FFAR1: variants seen among roughly 807,000 people sequenced by gnomAD.
FFAR1 encodes the protein free fatty acid receptor 1, also known as G-protein coupled receptor 40.
For missense variants in FFAR1, 424 were observed against 396.2 expected (o/e 1.07, Z -0.60); for synonymous variants, 216 against 201.5 (o/e 1.07, Z -0.61).
At chr19:35,351,769 C>A in exon 1 of FFAR1, 1 of 1,574,156 alleles carries the variant, frequency 6.4e-7, no homozygotes, top group Non-Finnish European at 8.6e-7. Flanking sequence ...GGGGCCTGGC[C>A]TCTGCCGGCC....
exon 1 of FFAR1, chr19:35,351,965 G>T: frequency 6.2e-7 from 1 of 1,614,172 alleles, no homozygotes; most frequent in South Asian, 1.1e-5. Flanking sequence ...TGTGTCACCT[G>T]GGTCTGGTCT....
chr19:35,351,643 CG>C lies in FFAR1; in HGVS notation c.94del (p.Ala32ProfsTer15). Reference sequence around the variant, plus strand: ...AACGTCCTGGCCATCCGAGGCGCGACGGCCCACGCCCGGCTCCGTCTCACCC... The same window carrying C: ...AACGTCCTGGCCATCCGAGGCGCGACGCCCACGCCCGGCTCCGTCTCACCC... On this transcript the variant is annotated frameshift_variant, in exon 1 of 1. Coordinates refer to ENST00000246553, the Ensembl canonical transcript of FFAR1. LOFTEE classifies it low-confidence loss of function (END_TRUNC). The C allele has an allele frequency of 6.5e-7, 1 of 1,547,244 alleles. No individual in the cohort carries two copies. The highest frequency in any genetic ancestry group is 8.7e-7 in the Non-Finnish European group (1 of 1,149,458).
chr19:35,350,116 C>T (rs527323829), upstream of FFAR1, among the ~76,000 whole-genome samples: 5 of 152,126 alleles, frequency 3.3e-5, no homozygotes, highest in African/African-American at 1.2e-4. Context: ...TCTGTGCCAC[C>T]CCTTGACAGG....
chr19:35,349,572 G>A (rs16970264), upstream of FFAR1, among the ~76,000 whole-genome samples: 13,056 of 152,274 alleles, frequency 0.086, 672 homozygotes, highest in South Asian at 0.22. Context: ...TAGTGGCTCC[G>A]AGGTATGAAA....
At chr19:35,353,596 G>C (rs1044756465) in exon 1 of FFAR1, 2 of 152,238 alleles carry the variant, frequency 1.3e-5, no homozygotes, top group Non-Finnish European at 2.9e-5. Flanking sequence ...TTATTAGAAA[G>C]AGAAAATACC....
chr19:35,353,505 C>T (rs1002373980), exon 1 of FFAR1: 2 of 152,050 alleles, frequency 1.3e-5, no homozygotes, highest in African/African-American at 4.8e-5. Flanking sequence ...AGAAAAAAGA[C>T]ATATTTTGTA....
rs1396413837 is a variant in FFAR1 at position 35,352,154 on chromosome 19, C to T, written c.603C>T (p.Cys201=). 2.5e-6 allele frequency: 4 copies of T among 1,609,730 alleles called. No homozygotes were observed. The South Asian group carries it at 3.3e-5, about 13-fold the overall frequency. Residue 201 remains cysteine (C), a synonymous_variant, in exon 1 of 1, where the codon TGC becomes TGT. Transcript: ENST00000246553. ...TGCCCTTGGCCATCACAGCCTTCTG[C>T]TACGTGGGCTGCCTCCGGGCACTGG... is the stretch of plus-strand genomic sequence containing the variant.
chr19:35,349,500 G>A (rs1020290123), upstream of FFAR1, among the ~76,000 whole-genome samples: 1 of 152,242 alleles, frequency 6.6e-6, no homozygotes, highest in South Asian at 2.1e-4. Flanking sequence ...CCAGTTCTCC[G>A]CTCACAGCGG....
chr19:35,352,275 G>A, exon 1 of FFAR1: 1 of 1,552,252 alleles, frequency 6.4e-7, no homozygotes, highest in Non-Finnish European at 8.7e-7. Flanking sequence ...ACCCTACAAC[G>A]CCTCCAACGT....
At chr19:35,351,476 C>G, upstream of FFAR1, 2 of 1,365,996 alleles carry the variant, frequency 1.5e-6, no homozygotes, top group Non-Finnish European at 2.0e-6. Flanking sequence ...GGAGCCCCTC[C>G]TCTCCGGGGC....
At chr19:35,351,472 C>T (rs2066943914), upstream of FFAR1, 4 of 1,302,248 alleles carry the variant, frequency 3.1e-6, no homozygotes, top group African/African-American at 4.4e-5. Flanking sequence ...CCCAGGAGCC[C>T]CTCCTCTCCG....
upstream of FFAR1, among the ~76,000 whole-genome samples, chr19:35,348,292 G>A (rs2066929503): frequency 6.6e-6 from 1 of 152,220 alleles, no homozygotes; most frequent in Admixed American, 6.5e-5. Context: ...TCTGGAGGAA[G>A]GTGAGGCTTT....
exon 1 of FFAR1, chr19:35,352,029 A>T (rs772195115): frequency 1.2e-6 from 2 of 1,613,906 alleles, no homozygotes; most frequent in African/African-American, 2.7e-5. Context: ...CTCCCTGGGC[A>T]TCAACACACC....
exon 1 of FFAR1, chr19:35,352,120 T>C: frequency 6.2e-7 from 1 of 1,612,066 alleles, no homozygotes; most frequent in Non-Finnish European, 8.5e-7. Flanking sequence ...TCTCTCCTGC[T>C]CTTTTTTCTG....
At chr19:35,351,393 C>T, upstream of FFAR1, 1 of 196,994 alleles carries the variant, frequency 5.1e-6, no homozygotes, top group South Asian at 1.8e-4. Flanking sequence ...TCTCTGTGGG[C>T]CTCGTTTCCT....
chr19:35,351,798 G>A (rs768158175), exon 1 of FFAR1: 2 of 1,598,334 alleles, frequency 1.3e-6, no homozygotes, highest in Non-Finnish European at 1.7e-6. Flanking sequence ...CCCCGTCTTC[G>A]CGGTGGCCCA....
At chr19:35,352,786 G>T in exon 1 of FFAR1, 1 of 396,200 alleles carries the variant, frequency 2.5e-6, no homozygotes, top group South Asian at 3.1e-5. Flanking sequence ...CGGGAAGGAG[G>T]AGGCAGTCTG....
upstream of FFAR1, among the ~76,000 whole-genome samples, chr19:35,350,379 C>G (rs17719343): frequency 2.7e-4 from 41 of 152,352 alleles, no homozygotes; most frequent in East Asian, 7.3e-3. Context: ...TTGGAGATGG[C>G]TTCATGGCTG....
upstream of FFAR1, among the ~76,000 whole-genome samples, chr19:35,349,404 T>G (rs897502203): frequency 2.0e-5 from 3 of 152,232 alleles, no homozygotes; most frequent in Admixed American, 6.5e-5. Context: ...TCGCTCTTGC[T>G]GCAGGAGGGG....
Sources: gnomAD v4.1 joint callset for allele counts (sites outside exome capture counted in the v4.1 genomes callset) on GRCh38, gnomAD v4.1.1 for gene constraint, MANE v1.5 for transcripts, NCBI Gene and HGNC (gene_info 2026-07-23, HGNC 2026-07-21) for gene names.